The following GABPB1 variants were observed in gnomAD, a reference collection of about 807,000 sequenced individuals.
GABPB1 encodes the protein GA-binding protein subunit beta-1.
Under a neutral mutation model 45.9 loss-of-function variants are expected in GABPB1, and 15 were observed. The observed-to-expected ratio is 0.33, with a 90% CI of 0.22 to 0.50. The LOEUF (loss-of-function observed/expected upper bound fraction) is 0.50. Among genes scored for constraint, GABPB1 ranks in the 20% least tolerant of loss-of-function variants. The pLI is 0.98. For missense variants in GABPB1, 252 were observed against 457.5 expected (o/e 0.55, Z 4.10); for synonymous variants, 143 against 154.4 (o/e 0.93, Z 0.55).
At chr15:50,323,405 G>T (rs1219012755) in intron 1 of GABPB1, among the ~76,000 whole-genome samples, 3 of 152,078 alleles carry the variant, frequency 2.0e-5, no homozygotes, top group African/African-American at 4.8e-5. Flanking sequence ...CAACATACAT[G>T]CCCTTTATTT....
At chr15:50,305,314 A>G (rs1339523966) in intron 2 of GABPB1, among the ~76,000 whole-genome samples, 1 of 143,830 alleles carries the variant, frequency 7.0e-6, no homozygotes, top group Non-Finnish European at 1.5e-5. Context: ...AGAGATAGAT[A>G]TATTTTTTGT....
At position 50,299,513 on chromosome 15, in the gene GABPB1, C is replaced by T. The variant is rs202078092; in HGVS notation, c.697+1276G>A. Among the ~76,000 whole-genome samples, 17 of 152,288 alleles carry T rather than the reference C, an allele frequency of 1.1e-4. 1 individual carries two copies. In the East Asian group the frequency reaches 3.1e-3, roughly 28 times the overall value. On this transcript the variant is annotated intron_variant, in intron 6 of 8. Coordinates refer to ENST00000380877, the MANE Select transcript of GABPB1 (RefSeq NM_016654.5). ...CTCCCGGGTTCAAGCCATTCTCCTG[C>T]CTCAGCCTCCCGAGTAGCTGGGATT...
chr15:50,292,189 C>T (rs1044827755), intron 6 of GABPB1, among the ~76,000 whole-genome samples: 1 of 151,362 alleles, frequency 6.6e-6, no homozygotes, highest in African/African-American at 2.4e-5. Flanking sequence ...TGGTGGGCGC[C>T]TCTAGTCCCA....
At chr15:50,279,837 A>T (rs888225423) in intron 8 of GABPB1, among the ~76,000 whole-genome samples, 4 of 152,194 alleles carry the variant, frequency 2.6e-5, no homozygotes, top group African/African-American at 7.2e-5. Flanking sequence ...GCCAGAGAGA[A>T]CTAAAGGTAA....
chr15:50,347,925 G>A (rs1210988049), intron 1 of GABPB1, among the ~76,000 whole-genome samples: 3 of 151,202 alleles, frequency 2.0e-5, no homozygotes, highest in Admixed American at 6.6e-5. Context: ...GCATGGTGGC[G>A]GGCACCTGTA....
At chr15:50,314,199 T>A (rs1013423709) in intron 1 of GABPB1, among the ~76,000 whole-genome samples, 7 of 150,650 alleles carry the variant, frequency 4.6e-5, no homozygotes, top group African/African-American at 1.7e-4. Context: ...TTATTTATTT[T>A]TTGAGACGGA....
rs2046813651 is a variant in GABPB1, at chr15:50,303,046, C to A, written c.354G>T (p.Glu118Asp). 1 of 1,613,864 alleles carries A rather than the reference C, an allele frequency of 6.2e-7. No individual in the cohort carries two copies. ...LHWATEHNHQ[E>D]VVELLIKYGA... ...CATATTTGATTAAAAGTTCCACCAC[C>A]TCTTGATGATTGTGTTCTGTGGCCC... Residue 118 changes from glutamate (E) to aspartate (D), a missense_variant, in exon 4 of 9, where the codon GAG (glutamate) becomes GAT (aspartate). Around this residue, in one of 4 missense-constraint regions of GABPB1, gnomAD observed 193 missense variants for 259.9 expected, o/e 0.74. Coordinates refer to ENST00000380877, the MANE Select transcript of GABPB1 (RefSeq NM_016654.5).
rs1310275210 is a variant in GABPB1, at chr15:50,277,566, T to C, written c.*1066A>G. On this transcript the variant is annotated 3_prime_UTR_variant, in exon 9 of 9. Transcript: ENST00000380877. ...TTCAAAAGGAAAAGTAGAAGTTACATTAGACATGTCTATTGCATCACTGTA... is the reference window on the plus strand; with the variant it reads ...TTCAAAAGGAAAAGTAGAAGTTACACTAGACATGTCTATTGCATCACTGTA... The C allele has an allele frequency of 1.3e-5, 2 of 152,334 alleles. No individual in the cohort carries two copies. The highest frequency in any genetic ancestry group is 4.8e-5 in the African/African-American group (2 of 41,442). 9.4% of individuals were successfully genotyped at this position (152,334 alleles called of 1,614,324 possible).
intron 8 of GABPB1, among the ~76,000 whole-genome samples, chr15:50,279,403 G>A (rs140329299): frequency 1.3e-5 from 2 of 152,276 alleles, no homozygotes; most frequent in East Asian, 3.9e-4. Flanking sequence ...CCTTTAAAAT[G>A]AAGAGTGCTG....
intron 1 of GABPB1, among the ~76,000 whole-genome samples, chr15:50,344,606 C>T (rs1018183355): frequency 3.3e-5 from 5 of 152,104 alleles, no homozygotes; most frequent in East Asian, 3.9e-4. Flanking sequence ...TTTGGGAGGC[C>T]GAGGAGGGCG....
intron 5 of GABPB1, 26 bp downstream of exon 5, chr15:50,301,231 G>A (rs2046732849): frequency 2.5e-6 from 4 of 1,613,560 alleles, no homozygotes; most frequent in Non-Finnish European, 3.4e-6. Flanking sequence ...CTGTTGCCTT[G>A]GATGAATTTT....
chr15:50,336,685 A>G (rs563320795), intron 1 of GABPB1, among the ~76,000 whole-genome samples: 1 of 152,186 alleles, frequency 6.6e-6, no homozygotes, highest in East Asian at 1.9e-4. Context: ...ACTGTCTCAA[A>G]AGCAAAACTC....
chr15:50,346,598 T>C (rs979657541), intron 1 of GABPB1, among the ~76,000 whole-genome samples: 4 of 148,458 alleles, frequency 2.7e-5, no homozygotes, highest in Non-Finnish European at 6.0e-5. Context: ...TTTTTTTTTT[T>C]TTTTTTTTGT....
chr15:50,319,533 G>A (rs1222563489), intron 1 of GABPB1, among the ~76,000 whole-genome samples: 2 of 152,094 alleles, frequency 1.3e-5, no homozygotes, highest in Non-Finnish European at 2.9e-5. Flanking sequence ...AACTGTGCAT[G>A]TATACTTTCA....
In GABPB1 at chr15:50,334,048, A is replaced by G. The variant is rs866123474; in HGVS notation, c.-1+20937T>C. ...TCGATCTCAAAAAAAAAAAAAAGAAAAAGAAAAAAAGAAAAGAAAAGTCAT... is the reference window on the plus strand; with the variant it reads ...TCGATCTCAAAAAAAAAAAAAAGAAGAAGAAAAAAAGAAAAGAAAAGTCAT... On this transcript the variant is annotated intron_variant, in intron 1 of 8. Transcript: ENST00000380877. Among the ~76,000 whole-genome samples, 22 of 152,006 alleles carry G rather than the reference A, an allele frequency of 1.4e-4. No individual in the cohort carries two copies. The South Asian group carries it at 1.7e-3, about 11-fold the overall frequency.
chr15:50,351,017 A>G (rs1169255329), intron 1 of GABPB1: 3 of 152,154 alleles, frequency 2.0e-5, no homozygotes, highest in African/African-American at 4.8e-5. Context: ...TGCTCTACAG[A>G]TAAGTGATTT....
intron 6 of GABPB1, among the ~76,000 whole-genome samples, chr15:50,292,235 A>T (rs1339177436): frequency 2.1e-5 from 3 of 145,518 alleles, no homozygotes; most frequent in African/African-American, 7.7e-5. Flanking sequence ...AACGGTGTGA[A>T]CCCGGGAGGC....
chr15:50,298,951 C>CAA (rs775179968), intron 6 of GABPB1, among the ~76,000 whole-genome samples: 3 of 61,138 alleles, frequency 4.9e-5, no homozygotes, highest in African/African-American at 9.5e-5. Context: ...GACTCCATGT[C>CAA]AAAAAAAAAA....
chr15:50,313,821 T>C (rs1567514420), intron 1 of GABPB1, among the ~76,000 whole-genome samples: 1 of 152,174 alleles, frequency 6.6e-6, no homozygotes, highest in Non-Finnish European at 1.5e-5. Context: ...TTACAAAGTT[T>C]CTAATGTTAC....
Sources: gnomAD v4.1 joint callset for allele counts (sites outside exome capture counted in the v4.1 genomes callset) on GRCh38, gnomAD v4.1.1 for gene constraint, gnomAD v4.1.1 regional missense constraint, MANE v1.5 for transcripts, NCBI Gene and HGNC (gene_info 2026-07-23, HGNC 2026-07-21) for gene names.